Variants in PHACTR1 observed in about 807,000 individuals in gnomAD.
PHACTR1 encodes phosphatase and actin regulator 1, also known as RPEL repeat containing 1.
Under a neutral mutation model 69.2 loss-of-function variants are expected in PHACTR1, and 16 were observed. That is an observed-to-expected ratio of 0.23 (90% CI 0.16 to 0.35). The LOEUF is 0.35. Ranked by LOEUF, PHACTR1 falls within the 10% of genes least tolerant of loss-of-function variation. The pLI, the probability that PHACTR1 is intolerant of heterozygous loss-of-function variation, is 1.00. For missense variants in PHACTR1, 510 were observed against 734.7 expected, an observed-to-expected ratio of 0.69 and a Z score of 3.54; for synonymous variants, 312 against 284.5, an observed-to-expected ratio of 1.10 and a Z score of -0.97.
chr6:12,847,461 A>G (rs1050623688), intron 4 of PHACTR1, among the ~76,000 whole-genome samples: 1 of 152,198 alleles, frequency 6.6e-6, no homozygotes, highest in Non-Finnish European at 1.5e-5. Flanking sequence ...TCTTAAGCAC[A>G]GTGCTTCTCA....
chr6:13,244,423 A>G (rs1773302138), intron 10 of PHACTR1, among the ~76,000 whole-genome samples: 1 of 152,210 alleles, frequency 6.6e-6, no homozygotes. Context: ...TGTGACCAAA[A>G]TTTATTAGGT....
chr6:12,760,411 A>G (rs148153818), intron 4 of PHACTR1, among the ~76,000 whole-genome samples: 153 of 152,324 alleles, frequency 1.0e-3, no homozygotes, highest in African/African-American at 2.9e-3. Flanking sequence ...GAATGAATCA[A>G]CCTTGAAATA....
chr6:12,775,349 A>G (rs1769930722), intron 4 of PHACTR1, among the ~76,000 whole-genome samples: 1 of 152,252 alleles, frequency 6.6e-6, no homozygotes, highest in African/African-American at 2.4e-5. Context: ...ATATTTATTT[A>G]GACAAAGTTG....
chr6:13,265,349 T>C (rs978941261), intron 10 of PHACTR1, among the ~76,000 whole-genome samples: 1 of 64,528 alleles, frequency 1.5e-5, no homozygotes, highest in African/African-American at 7.2e-5. Flanking sequence ...AACGAAAAGA[T>C]TGACATGCAG....
chr6:13,241,518 T>C (rs1742131086), intron 10 of PHACTR1, among the ~76,000 whole-genome samples: 1 of 152,160 alleles, frequency 6.6e-6, no homozygotes, highest in Non-Finnish European at 1.5e-5. Flanking sequence ...AATCAAAGAC[T>C]TTGGAGCTGG....
intron 10 of PHACTR1, among the ~76,000 whole-genome samples, chr6:13,257,103 T>G (rs1295306558): frequency 6.6e-6 from 1 of 152,192 alleles, no homozygotes; most frequent in Non-Finnish European, 1.5e-5. Flanking sequence ...AGCTTCTGCT[T>G]CTGGGGAGTC....
intron 4 of PHACTR1, among the ~76,000 whole-genome samples, chr6:12,887,873 G>A (rs9357513): frequency 0.84 from 127,458 of 151,556 alleles, 54,458 homozygotes; most frequent in East Asian, 0.94. Flanking sequence ...GTTCGAGACC[G>A]GCCTGGGCAA....
At chr6:12,779,193 G>A (rs1027970473) in intron 4 of PHACTR1, among the ~76,000 whole-genome samples, 7 of 152,094 alleles carry the variant, frequency 4.6e-5, no homozygotes, top group African/African-American at 1.7e-4. Flanking sequence ...AAATTAGCTG[G>A]GTGTGGTAGC....
At chr6:12,925,118 T>C (rs1788133048) in intron 4 of PHACTR1, among the ~76,000 whole-genome samples, 1 of 152,196 alleles carries the variant, frequency 6.6e-6, no homozygotes, top group African/African-American at 2.4e-5. Context: ...ACAGCAGATG[T>C]CATTTGTATT....
intron 8 of PHACTR1, among the ~76,000 whole-genome samples, chr6:13,211,713 G>C (rs562488462): frequency 6.6e-6 from 1 of 152,086 alleles, no homozygotes; most frequent in Non-Finnish European, 1.5e-5. Flanking sequence ...ACATACACAG[G>C]GATAAGACCA....
chr6:13,184,844 C>G (rs1024392071), intron 7 of PHACTR1: 2 of 1,366,456 alleles, frequency 1.5e-6, no homozygotes, highest in Admixed American at 3.8e-5. Context: ...GTCCTCCTGT[C>G]CCAAGATCCT....
intron 4 of PHACTR1, among the ~76,000 whole-genome samples, chr6:12,877,580 C>G (rs1041175891): frequency 3.9e-5 from 6 of 152,136 alleles, no homozygotes; most frequent in Non-Finnish European, 5.9e-5. Context: ...TGTTCCACCC[C>G]CATCATCCTG....
At chr6:13,253,215 G>A (rs879397697) in intron 10 of PHACTR1, among the ~76,000 whole-genome samples, 3 of 152,300 alleles carry the variant, frequency 2.0e-5, no homozygotes, top group South Asian at 2.1e-4. Flanking sequence ...AGCTGCACAT[G>A]TTCTGTAGCT....
At chr6:13,013,773 T>A (rs1411159972) in intron 4 of PHACTR1, among the ~76,000 whole-genome samples, 1 of 149,912 alleles carries the variant, frequency 6.7e-6, no homozygotes, top group African/African-American at 2.4e-5. Flanking sequence ...GCGGCGGTGC[T>A]TATATAGAGC....
At chr6:13,093,952 G>T (rs1813710236) in intron 5 of PHACTR1, among the ~76,000 whole-genome samples, 1 of 152,110 alleles carries the variant, frequency 6.6e-6, no homozygotes, top group East Asian at 1.9e-4. Context: ...ACTCACGGAA[G>T]CCTTAAACTC....
intron 10 of PHACTR1, among the ~76,000 whole-genome samples, chr6:13,249,901 G>A (rs1198828551): frequency 6.6e-6 from 1 of 151,432 alleles, no homozygotes; most frequent in African/African-American, 2.4e-5. Context: ...GACCATTTAT[G>A]TGGTTCTGCT....
chr6:13,159,459 G>A (rs1158214082), intron 5 of PHACTR1, among the ~76,000 whole-genome samples: 1 of 152,194 alleles, frequency 6.6e-6, no homozygotes, highest in Non-Finnish European at 1.5e-5. Context: ...CATTGAAACA[G>A]CAGTCCCTCC....
intron 4 of PHACTR1, among the ~76,000 whole-genome samples, chr6:12,798,942 A>C (rs997882916): frequency 6.6e-6 from 1 of 152,226 alleles, no homozygotes. Flanking sequence ...AAATTCCACC[A>C]GTTGCACCCA....
rs60972913 is a variant in PHACTR1 at position 13,247,326 on chromosome 6, C to CGTGTGTGTGTGT, written c.1391+17161_1391+17172dup. Reference sequence around the variant, plus strand: ...CACATTGTAACTTATCAAGTTCCCTCGTGTGTGTGTGTGTGTGTGTGTGTG... The same window carrying CGTGTGTGTGTGT: ...CACATTGTAACTTATCAAGTTCCCTCGTGTGTGTGTGTGTGTGTGTGTGTGTGTGTGTGTGTG... On this transcript the variant is annotated intron_variant, in intron 10 of 14. Transcript: ENST00000332995. 3.9e-3 allele frequency among the ~76,000 whole-genome samples: 545 copies of CGTGTGTGTGTGT among 139,078 alleles called. 4 individuals are homozygous for CGTGTGTGTGTGT. Among genetic ancestry groups the CGTGTGTGTGTGT allele is most frequent in the African/African-American group, 0.011 (385 of 35,740 alleles). The allele number at this position is 139,078 out of a possible 152,430, so 91.2% of individuals were successfully genotyped here.
Sources: allele counts gnomAD v4.1 joint callset (sites outside exome capture counted in the v4.1 genomes callset), GRCh38; gene constraint gnomAD v4.1.1; transcripts MANE v1.5; gene names NCBI Gene and HGNC (gene_info 2026-07-23, HGNC 2026-07-21).